The following RAD18 variants were observed in gnomAD, a reference collection of about 807,000 sequenced individuals.
The protein encoded by RAD18 is E3 ubiquitin-protein ligase RAD18.
A neutral mutation model predicts 60.4 loss-of-function variants in RAD18; 47 were observed. That is an observed-to-expected ratio of 0.78 (90% CI 0.62 to 0.99). The LOEUF is 0.99. Ranked by LOEUF, RAD18 falls within the 50% of genes least tolerant of loss-of-function variation. The pLI, the probability that RAD18 is intolerant of heterozygous loss-of-function variation, is 0.00. For synonymous variants in RAD18, 225 were observed against 195.5 expected, an observed-to-expected ratio of 1.15 and a Z score of -1.26; for missense variants, 640 against 593.3, an observed-to-expected ratio of 1.08 and a Z score of -0.82.
At chr3:8,935,807 T>C (rs1191627726) in intron 7 of RAD18, 64 bp downstream of exon 7, 7 of 1,343,402 alleles carry the variant, frequency 5.2e-6, no homozygotes, top group Non-Finnish European at 6.0e-6. Context: ...GGTTTATAAT[T>C]TCTGAGCTAC....
At chr3:8,902,345 T>C (rs1046003058) in intron 10 of RAD18, 35 bp downstream of exon 10, 1 of 1,449,554 alleles carries the variant, frequency 6.9e-7, no homozygotes. Context: ...ATAATGAAAT[T>C]CGACATATGT....
chr3:8,938,930 GA>G (rs1307954243), intron 6 of RAD18, among the ~76,000 whole-genome samples: 1 of 152,110 alleles, frequency 6.6e-6, no homozygotes, highest in Non-Finnish European at 1.5e-5. Context: ...GGACTAGCAT[GA>G]GAAATTACAG....
Position 8,881,294 on chromosome 3 carries a change from T to C in RAD18, c.*63A>G. On this transcript the variant is annotated 3_prime_UTR_variant, in exon 13 of 13. Transcript: ENST00000264926. ...TGGGCATTTATAAATAGAAAATCTATCTGTGGCAACCAAAAGTACGGTATT... is the reference window on the plus strand; with the variant it reads ...TGGGCATTTATAAATAGAAAATCTACCTGTGGCAACCAAAAGTACGGTATT... 1.5e-6 allele frequency: 2 copies of C among 1,298,470 alleles called. No individual in the cohort carries two copies. Among genetic ancestry groups the C allele is most frequent in the African/African-American group, 1.5e-5 (1 of 67,228 alleles). The allele number at this position is 1,298,470 out of a possible 1,614,324, so 80.4% of individuals were successfully genotyped here.
Position 8,963,406 on chromosome 3 carries a change from G to T in RAD18, c.-21C>A. 6.3e-7 allele frequency: 1 copy of T among 1,576,110 alleles called. No individual in the cohort carries two copies. Among genetic ancestry groups the T allele is most frequent in the East Asian group, 2.4e-5 (1 of 41,550 alleles). On this transcript the variant is annotated 5_prime_UTR_variant, in exon 1 of 13. Coordinates refer to ENST00000264926, the MANE Select transcript of RAD18 (RefSeq NM_020165.4). ...TCCATGGTCGCTCCCGAGGATGCTG[G>T]GGGTCAGCCACCCACTAGCCTCCGG... is the stretch of plus-strand genomic sequence containing the variant.
intron 2 of RAD18, among the ~76,000 whole-genome samples, chr3:8,958,352 C>T (rs569247043): frequency 6.6e-6 from 1 of 152,302 alleles, no homozygotes; most frequent in Admixed American, 6.5e-5. Context: ...ATAGGGTAAC[C>T]CCTATGCACT....
intron 12 of RAD18, among the ~76,000 whole-genome samples, chr3:8,888,976 A>G (rs527826983): frequency 6.6e-6 from 1 of 152,314 alleles, no homozygotes; most frequent in East Asian, 1.9e-4. Context: ...GTAGTTAGCT[A>G]AGGAGTCTCC....
chr3:8,934,335 A>G (rs406333), intron 7 of RAD18, among the ~76,000 whole-genome samples: 107,081 of 152,044 alleles, frequency 0.7, 38,154 homozygotes, highest in Middle Eastern at 0.78. Flanking sequence ...AGGTGAAATT[A>G]GAAATGTACA....
chr3:8,902,497 G>A lies in RAD18; in HGVS notation c.1051C>T (p.Gln351Ter). ...TTTCTAGCCTGATCCACCAGAAGCT[G>A]AAATTCACTCTTATGTTTTTTACCT... ...KYRKKHKSEF[Q>*]LLVDQARKGY... The change falls in exon 10 of 13, where the codon CAG (glutamine) becomes TAG (stop). Residue 351 changes from glutamine to a stop codon, truncating the protein, a stop_gained. Coordinates refer to ENST00000264926, the MANE Select transcript of RAD18 (RefSeq NM_020165.4). LOFTEE classifies it high-confidence loss of function. 1 of 1,605,430 alleles carries A rather than the reference G, an allele frequency of 6.2e-7. No individual in the cohort carries two copies. Among genetic ancestry groups the A allele is most frequent in the Non-Finnish European group, 8.5e-7 (1 of 1,177,188 alleles).
chr3:8,949,678 G>A (rs1197724312), intron 2 of RAD18, among the ~76,000 whole-genome samples: 1 of 152,106 alleles, frequency 6.6e-6, no homozygotes, highest in Admixed American at 6.5e-5. Context: ...AGAGAGAGGG[G>A]GGTAATACAG....
At chr3:8,894,903 G>T (rs1311002809) in intron 11 of RAD18, among the ~76,000 whole-genome samples, 1 of 151,818 alleles carries the variant, frequency 6.6e-6, no homozygotes, top group Non-Finnish European at 1.5e-5. Context: ...TGGGATTACA[G>T]GCACATGCTA....
intron 6 of RAD18, among the ~76,000 whole-genome samples, chr3:8,938,491 C>G (rs1940690905): frequency 6.6e-6 from 1 of 152,160 alleles, no homozygotes. Flanking sequence ...GCAAATCATT[C>G]TTTCATCCCC....
chr3:8,881,431 G>A lies in RAD18; in HGVS notation c.1414C>T (p.Pro472Ser), dbSNP rs371021843. 5.6e-6 allele frequency: 9 copies of A among 1,611,746 alleles called. No homozygotes were observed. The African/African-American group carries it at 1.2e-4, about 22-fold the overall frequency. ...KNDLQDTEIS[P>S]RQNRRTRAAE... ...GCTCTTGTGCGGCGATTCTGTCTTG[G>A]ACTTATTTCTGTGTCTTGAAGATCG... The change falls in exon 13 of 13, where the codon CCA (proline) becomes TCA (serine). Residue 472 changes from proline (P) to serine (S), a missense_variant. Coordinates refer to ENST00000264926, the MANE Select transcript of RAD18 (RefSeq NM_020165.4).
intron 3 of RAD18, among the ~76,000 whole-genome samples, chr3:8,948,251 C>T (rs1198626932): frequency 6.6e-6 from 1 of 152,090 alleles, no homozygotes; most frequent in Non-Finnish European, 1.5e-5. Context: ...AATGAGAAGC[C>T]ATAAAAACAT....
rs1939403879 is a variant in RAD18, at chr3:8,878,551, C to T, written c.*2806G>A. The T allele has an allele frequency of 6.6e-6, 1 of 152,110 alleles. No homozygotes were observed. Among genetic ancestry groups the T allele is most frequent in the African/African-American group, 2.4e-5 (1 of 41,432 alleles). 9.4% of individuals were successfully genotyped at this position (152,110 alleles called of 1,614,324 possible). On this transcript the variant is annotated 3_prime_UTR_variant, in exon 13 of 13. Transcript: ENST00000264926. ...GGTTTTTTTCCAGAAACAGTTCTAGCCTTCTCTATGTTGTCTATCCCTGTT... is the reference window on the plus strand; with the variant it reads ...GGTTTTTTTCCAGAAACAGTTCTAGTCTTCTCTATGTTGTCTATCCCTGTT...
chr3:8,914,865 G>T (rs111568741), intron 7 of RAD18, among the ~76,000 whole-genome samples: 2,967 of 152,206 alleles, frequency 0.019, 82 homozygotes, highest in African/African-American at 0.066. Context: ...TAGGCCAGGC[G>T]CAGTGGCTCA....
rs142030453 is a variant in RAD18 at position 8,906,289 on chromosome 3, T to C, written c.1028-3769A>G. On this transcript the variant is annotated intron_variant, in intron 9 of 12. Coordinates refer to ENST00000264926, the MANE Select transcript of RAD18 (RefSeq NM_020165.4). ...AAGGTCAGAAAGCCACTGAGTTAAA[T>C]ATCTCCCAATTTAAATAACAAACTT... Among the ~76,000 whole-genome samples the C allele has an allele frequency of 1.3e-4, 20 of 152,276 alleles. No homozygotes were observed. The East Asian group carries it at 3.9e-3, about 29-fold the overall frequency.
At chr3:8,938,210 T>C (rs1318769978) in intron 6 of RAD18, among the ~76,000 whole-genome samples, 1 of 152,142 alleles carries the variant, frequency 6.6e-6, no homozygotes, top group Non-Finnish European at 1.5e-5. Flanking sequence ...ACTTACCCAC[T>C]AGGTGGGAGT....
intron 9 of RAD18, among the ~76,000 whole-genome samples, chr3:8,910,602 A>T (rs1159921050): frequency 6.8e-6 from 1 of 147,434 alleles, no homozygotes; most frequent in Non-Finnish European, 1.5e-5. Flanking sequence ...CTCCATCTCA[A>T]AAAAAAAAAA....
At chr3:8,953,027 TG>T (rs1282005098) in intron 2 of RAD18, among the ~76,000 whole-genome samples, 26 of 152,096 alleles carry the variant, frequency 1.7e-4, no homozygotes, top group African/African-American at 5.6e-4. Context: ...TTCTACTGAA[TG>T]TGTATCGCTT....
Sources: gnomAD v4.1 joint callset for allele counts (sites outside exome capture counted in the v4.1 genomes callset) on GRCh38, gnomAD v4.1.1 for gene constraint, MANE v1.5 for transcripts, NCBI Gene and HGNC (gene_info 2026-07-23, HGNC 2026-07-21) for gene names.